Variants in PHACTR3 observed in about 807,000 individuals in gnomAD.
PHACTR3 encodes the protein protein phosphatase 1, regulatory subunit 123.
In PHACTR3, 16 loss-of-function variants were observed where a neutral mutation model predicts 66.8. The observed-to-expected ratio is 0.24, with a 90% CI of 0.16 to 0.36. PHACTR3 has a LOEUF of 0.36. Among genes scored for constraint, PHACTR3 ranks in the 10% least tolerant of loss-of-function variants. The pLI is 1.00. For missense variants in PHACTR3, 647 were observed against 719.9 expected, an observed-to-expected ratio of 0.90 and a Z score of 1.16; for synonymous variants, 323 against 292.1, an observed-to-expected ratio of 1.11 and a Z score of -1.08.
chr20:59,674,550 CT>C (rs1568697094), intron 1 of PHACTR3, among the ~76,000 whole-genome samples: 21 of 109,458 alleles, frequency 1.9e-4, no homozygotes, highest in African/African-American at 8.8e-4. Flanking sequence ...CTTCTGTTCC[CT>C]CCTTCTCCTA....
chr20:59,769,101 G>A (rs552054846), intron 5 of PHACTR3, among the ~76,000 whole-genome samples: 2 of 152,362 alleles, frequency 1.3e-5, no homozygotes, highest in East Asian at 3.9e-4. Flanking sequence ...TGCCTGGTCA[G>A]TACCTTTGCA....
intron 1 of PHACTR3, among the ~76,000 whole-genome samples, chr20:59,727,794 TG>T (rs1315018022): frequency 6.6e-6 from 1 of 152,192 alleles, no homozygotes; most frequent in Non-Finnish European, 1.5e-5. Flanking sequence ...TTCAAAGTTT[TG>T]GATGCTCAAC....
At chr20:59,724,287 C>T (rs577460665) in intron 1 of PHACTR3, among the ~76,000 whole-genome samples, 7 of 152,254 alleles carry the variant, frequency 4.6e-5, no homozygotes, top group South Asian at 4.2e-4. Flanking sequence ...AGGCCAAGAC[C>T]GGAGTGGTCC....
At chr20:59,807,164 C>G (rs2041595313) in intron 8 of PHACTR3, among the ~76,000 whole-genome samples, 2 of 152,192 alleles carry the variant, frequency 1.3e-5, no homozygotes, top group African/African-American at 4.8e-5. Context: ...ACTGGATAAA[C>G]TTTAACTTTC....
intron 1 of PHACTR3, among the ~76,000 whole-genome samples, chr20:59,698,908 T>C (rs538984689): frequency 1.3e-5 from 2 of 152,316 alleles, no homozygotes; most frequent in South Asian, 4.1e-4. Context: ...CTGGCCTAGC[T>C]GAGCCACAGG....
At chr20:59,753,366 C>T (rs1158483372) in intron 3 of PHACTR3, among the ~76,000 whole-genome samples, 7 of 152,086 alleles carry the variant, frequency 4.6e-5, no homozygotes, top group Non-Finnish European at 7.3e-5. Context: ...GAGACGTGTG[C>T]GGCAGAGGGA....
intron 1 of PHACTR3, among the ~76,000 whole-genome samples, chr20:59,619,767 A>G (rs2034168472): frequency 6.6e-6 from 1 of 152,200 alleles, no homozygotes; most frequent in South Asian, 2.1e-4. Flanking sequence ...TCCATATTAC[A>G]GGGGAAAGCC....
At chr20:59,750,462 G>A (rs1252925223) in intron 3 of PHACTR3, among the ~76,000 whole-genome samples, 1 of 152,188 alleles carries the variant, frequency 6.6e-6, no homozygotes, top group Admixed American at 6.5e-5. Flanking sequence ...AGGAAGCGGG[G>A]AGTGACTTCC....
chr20:59,585,851 G>T (rs192557953), intron 1 of PHACTR3, among the ~76,000 whole-genome samples: 2 of 152,322 alleles, frequency 1.3e-5, no homozygotes, highest in East Asian at 3.9e-4. Context: ...TTAGCAAAAA[G>T]AATCTCCTAA....
intron 1 of PHACTR3, 61 bp from the exon 2 acceptor site, chr20:59,743,046 C>T (rs1388465631): frequency 1.9e-6 from 3 of 1,556,926 alleles, no homozygotes; most frequent in African/African-American, 2.7e-5. Flanking sequence ...TCACCTTGGG[C>T]CCCCAGGAGT....
At chr20:59,681,784 G>C (rs2036659902) in intron 1 of PHACTR3, among the ~76,000 whole-genome samples, 1 of 152,356 alleles carries the variant, frequency 6.6e-6, no homozygotes, top group East Asian at 1.9e-4. Flanking sequence ...GCCGAGGTGG[G>C]TGGATCACCT....
At chr20:59,702,210 A>C (rs1385726677) in intron 1 of PHACTR3, among the ~76,000 whole-genome samples, 1 of 152,228 alleles carries the variant, frequency 6.6e-6, no homozygotes, top group South Asian at 2.1e-4. Context: ...TGCTCTTAGA[A>C]GGTCATTCAG....
chr20:59,815,270 G>T (rs1459092156), intron 8 of PHACTR3, among the ~76,000 whole-genome samples: 1 of 152,092 alleles, frequency 6.6e-6, no homozygotes, highest in African/African-American at 2.4e-5. Flanking sequence ...ATTTCCAAAG[G>T]GATCACCAGA....
chr20:59,644,961 C>G (rs1180344841), intron 1 of PHACTR3, among the ~76,000 whole-genome samples: 1 of 152,042 alleles, frequency 6.6e-6, no homozygotes, highest in Non-Finnish European at 1.5e-5. Flanking sequence ...ATTCTGTCAC[C>G]CAGATAGTAA....
rs559398866 is a variant in PHACTR3, at chr20:59,720,355, C to T, written c.119-22752C>T. Among the ~76,000 whole-genome samples the T allele has an allele frequency of 3.3e-5, 5 of 152,234 alleles. No individual in the cohort carries two copies. In the East Asian group the frequency reaches 5.8e-4, roughly 18 times the overall value. On this transcript the variant is annotated intron_variant, in intron 1 of 12. Transcript: ENST00000371015. ...GAATCCAGGTGTTCACCCGGATGGGCGTGGGAAACTCAGACAGGCAGAGGC... is the reference window on the plus strand; with the variant it reads ...GAATCCAGGTGTTCACCCGGATGGGTGTGGGAAACTCAGACAGGCAGAGGC...
chr20:59,641,609 C>T (rs1260391510), intron 1 of PHACTR3, among the ~76,000 whole-genome samples: 1 of 152,174 alleles, frequency 6.6e-6, no homozygotes, highest in Non-Finnish European at 1.5e-5. Context: ...ATTCAAATGT[C>T]AGTCTCATCC....
chr20:59,718,832 G>A (rs1288336089), intron 1 of PHACTR3, among the ~76,000 whole-genome samples: 1 of 152,200 alleles, frequency 6.6e-6, no homozygotes, highest in Non-Finnish European at 1.5e-5. Flanking sequence ...CGGAGATGGC[G>A]GCGTATGTCT....
intron 1 of PHACTR3, among the ~76,000 whole-genome samples, chr20:59,712,963 T>C (rs542839978): frequency 1.3e-5 from 2 of 152,374 alleles, no homozygotes; most frequent in Admixed American, 1.3e-4. Context: ...ATTTCTGGAT[T>C]CTCTCATTTC....
At position 59,614,423 on chromosome 20, in the gene PHACTR3, G is replaced by A. The variant is rs566837558; in HGVS notation, c.118+9291G>A. On this transcript the variant is annotated intron_variant, in intron 1 of 12. Coordinates refer to ENST00000371015, the MANE Select transcript of PHACTR3 (RefSeq NM_080672.5). ...TGTCTGTAGAGTTGTTGAAGGTCCC[G>A]TCTTTAATGGGCTGGGACTCGTGTT... 1.9e-4 allele frequency among the ~76,000 whole-genome samples: 29 copies of A among 152,324 alleles called. No homozygotes were observed. In the Middle Eastern group the frequency reaches 0.01, roughly 54 times the overall value.
Sources: allele counts gnomAD v4.1 joint callset (sites outside exome capture counted in the v4.1 genomes callset), GRCh38; gene constraint gnomAD v4.1.1; transcripts MANE v1.5; gene names NCBI Gene and HGNC (gene_info 2026-07-23, HGNC 2026-07-21).